The following ATP2B2 variants were observed in gnomAD, a reference collection of about 807,000 sequenced individuals.
ATP2B2 encodes the protein plasma membrane calcium-transporting ATPase 2.
Under a neutral mutation model 120.0 loss-of-function variants are expected in ATP2B2, and 15 were observed. That is an observed-to-expected ratio of 0.12 (90% CI 0.08 to 0.19). ATP2B2 has a LOEUF of 0.19. Ranked by LOEUF, ATP2B2 falls within the 10% of genes least tolerant of loss-of-function variation. The pLI is 1.00. For synonymous variants in ATP2B2, 694 were observed against 700.3 expected (o/e 0.99, Z 0.14); for missense variants, 1,045 against 1,719.8 (o/e 0.61, Z 6.94).
At chr3:10,461,440 G>A (rs2064485469) in intron 1 of ATP2B2, among the ~76,000 whole-genome samples, 1 of 152,236 alleles carries the variant, frequency 6.6e-6, no homozygotes, top group Admixed American at 6.5e-5. Context: ...GTGGGGATAA[G>A]CAGAGGTTTG....
chr3:10,481,068 TG>T (rs916781223), intron 1 of ATP2B2, among the ~76,000 whole-genome samples: 1 of 152,224 alleles, frequency 6.6e-6, no homozygotes, highest in African/African-American at 2.4e-5. Context: ...GAAGTCTGCC[TG>T]GGGCTACCAG....
intron 1 of ATP2B2, among the ~76,000 whole-genome samples, chr3:10,474,560 T>A (rs929326016): frequency 1.3e-5 from 2 of 152,198 alleles, no homozygotes; most frequent in African/African-American, 4.8e-5. Context: ...CTGGCAGACC[T>A]GACTAGGTGC....
intron 8 of ATP2B2, among the ~76,000 whole-genome samples, chr3:10,381,227 C>T (rs1397538169): frequency 6.6e-6 from 1 of 152,208 alleles, no homozygotes; most frequent in Non-Finnish European, 1.5e-5. Flanking sequence ...AAGTGAAAGA[C>T]CCCCTGTGTC....
At chr3:10,392,157 A>G (rs1033437491) in intron 5 of ATP2B2, among the ~76,000 whole-genome samples, 4 of 152,014 alleles carry the variant, frequency 2.6e-5, no homozygotes, top group African/African-American at 9.7e-5. Flanking sequence ...TCTGAGTGGG[A>G]GTGTCCTCTG....
intron 2 of ATP2B2, among the ~76,000 whole-genome samples, chr3:10,596,544 T>A (rs1250710528): frequency 6.6e-6 from 1 of 152,216 alleles, no homozygotes; most frequent in African/African-American, 2.4e-5. Context: ...ATGCCCCATA[T>A]AACAGATGCA....
At chr3:10,487,808 C>T (rs184361756) in intron 1 of ATP2B2, among the ~76,000 whole-genome samples, 298 of 152,290 alleles carry the variant, frequency 2.0e-3, no homozygotes, top group African/African-American at 6.8e-3. Flanking sequence ...CAACAGTACT[C>T]GCATCCTGTC....
At chr3:10,364,066 C>T (rs140549880) in intron 12 of ATP2B2, among the ~76,000 whole-genome samples, 181 of 152,306 alleles carry the variant, frequency 1.2e-3, no homozygotes, top group Admixed American at 3.8e-3. Flanking sequence ...GAGGGAAATT[C>T]TGATACATGC....
chr3:10,590,459 G>C (rs146695104), intron 2 of ATP2B2, among the ~76,000 whole-genome samples: 8 of 152,344 alleles, frequency 5.3e-5, no homozygotes, highest in Admixed American at 2.6e-4. Context: ...GCCTTCTAGA[G>C]TGTCCTTCAG....
chr3:10,625,811 C>T (rs1405833647), intron 1 of ATP2B2, among the ~76,000 whole-genome samples: 2 of 152,188 alleles, frequency 1.3e-5, no homozygotes, highest in Non-Finnish European at 2.9e-5. Context: ...GTTTAGTGCG[C>T]GTATTGTATG....
At chr3:10,687,506 A>T (rs975379730) in intron 1 of ATP2B2, among the ~76,000 whole-genome samples, 11 of 152,286 alleles carry the variant, frequency 7.2e-5, no homozygotes, top group Admixed American at 2.0e-4. Context: ...GCTCGCTCTA[A>T]GCAGACTTTC....
intron 1 of ATP2B2, among the ~76,000 whole-genome samples, chr3:10,641,343 G>A (rs1238013613): frequency 4.6e-5 from 7 of 152,148 alleles, no homozygotes; most frequent in African/African-American, 1.7e-4. Flanking sequence ...CAAGTGAGAG[G>A]GCTGAGTGGG....
chr3:10,346,295 C>T lies in ATP2B2; in HGVS notation c.2405-158G>A, dbSNP rs41292843. ...CAGGCTCTTCCCAGCTCCAGGCTGGCCTATAGCTGCCAGCAGGTTACAGTG... is the reference window on the plus strand; with the variant it reads ...CAGGCTCTTCCCAGCTCCAGGCTGGTCTATAGCTGCCAGCAGGTTACAGTG... On this transcript the variant is annotated intron_variant, in intron 16 of 22. Coordinates refer to ENST00000360273, the MANE Select transcript of ATP2B2 (RefSeq NM_001001331.4). This position sits in a 1 kb window ranked among gnomAD's most constrained non-coding sequence, Gnocchi z 4.1. Among the ~76,000 whole-genome samples, 4 of 152,380 alleles carry T rather than the reference C, an allele frequency of 2.6e-5. No individual in the cohort carries two copies. Among genetic ancestry groups the T allele is most frequent in the African/African-American group, 4.8e-5 (2 of 41,592 alleles).
chr3:10,611,548 A>G (rs2069238702), intron 2 of ATP2B2, among the ~76,000 whole-genome samples: 1 of 152,108 alleles, frequency 6.6e-6, no homozygotes, highest in African/African-American at 2.4e-5. Flanking sequence ...AGCCTACACC[A>G]TCAGTGACAT....
chr3:10,652,094 T>A (rs1373394715), intron 1 of ATP2B2, among the ~76,000 whole-genome samples: 1 of 152,154 alleles, frequency 6.6e-6, no homozygotes, highest in Non-Finnish European at 1.5e-5. Context: ...ACTATTCTAT[T>A]CCAGATAATG....
In ATP2B2 at chr3:10,346,528, C is replaced by T. The variant is rs527661401; in HGVS notation, c.2405-391G>A. 5.3e-5 allele frequency among the ~76,000 whole-genome samples: 8 copies of T among 152,358 alleles called. No homozygotes were observed. The highest frequency in any genetic ancestry group is 3.9e-4 in the East Asian group (2 of 5,182). Reference sequence around the variant, plus strand: ...GCAGGACCTCACCATCTGTTCCTCCCGACACCACTAGCCAGCACTTTCTCC... The same window carrying T: ...GCAGGACCTCACCATCTGTTCCTCCTGACACCACTAGCCAGCACTTTCTCC... On this transcript the variant is annotated intron_variant, in intron 16 of 22. Coordinates refer to ENST00000360273, the MANE Select transcript of ATP2B2 (RefSeq NM_001001331.4). The surrounding 1 kb of genome is among the most constrained non-coding windows in gnomAD (Gnocchi z 4.1).
intron 1 of ATP2B2, among the ~76,000 whole-genome samples, chr3:10,486,359 G>GTGTGTGTGTT: frequency 6.6e-6 from 1 of 151,782 alleles, no homozygotes; most frequent in Non-Finnish European, 1.5e-5. Context: ...GTGTGTGTGT[G>GTGTGTGTGTT]TCTCAGCCCT....
chr3:10,664,184 C>T (rs1044244453), intron 1 of ATP2B2, among the ~76,000 whole-genome samples: 1 of 152,118 alleles, frequency 6.6e-6, no homozygotes, highest in African/African-American at 2.4e-5. Flanking sequence ...CCAGAGCCGG[C>T]ACCCTGCTCC....
chr3:10,596,420 C>T (rs1415374157), intron 2 of ATP2B2, among the ~76,000 whole-genome samples: 1 of 152,200 alleles, frequency 6.6e-6, no homozygotes, highest in African/African-American at 2.4e-5. Flanking sequence ...ACTTCGTAAC[C>T]GGTCTCATGC....
chr3:10,374,201 C>A (rs2061320307), intron 11 of ATP2B2, among the ~76,000 whole-genome samples: 1 of 152,212 alleles, frequency 6.6e-6, no homozygotes, highest in South Asian at 2.1e-4. Flanking sequence ...TCCCCGGGCT[C>A]AGTGAAGTGG....
Sources: gnomAD v4.1 joint callset for allele counts (sites outside exome capture counted in the v4.1 genomes callset) on GRCh38, gnomAD v4.1.1 for gene constraint, Gnocchi (gnomAD v3.1) non-coding constraint, MANE v1.5 for transcripts, NCBI Gene and HGNC (gene_info 2026-07-23, HGNC 2026-07-21) for gene names.